Variants in CPNE4 observed in about 807,000 individuals in gnomAD.
The protein encoded by CPNE4 is copine 4, also known as copine-4.
A neutral mutation model predicts 67.9 loss-of-function variants in CPNE4; 25 were observed. The ratio of observed to expected loss-of-function variants is 0.37; its 90% CI spans 0.27 to 0.51. CPNE4 has a LOEUF of 0.51. Ranked by LOEUF, CPNE4 falls within the 20% of genes least tolerant of loss-of-function variation. CPNE4 has a pLI of 0.93. For missense variants in CPNE4, 464 were observed against 690.8 expected, an observed-to-expected ratio of 0.67 and a Z score of 3.68; for synonymous variants, 242 against 244.9, an observed-to-expected ratio of 0.99 and a Z score of 0.11.
At chr3:131,690,956 C>T (rs553352986) in intron 5 of CPNE4, among the ~76,000 whole-genome samples, 2 of 152,228 alleles carry the variant, frequency 1.3e-5, no homozygotes, top group South Asian at 2.1e-4. Context: ...TGAAAAAATG[C>T]CCAATGTCAC....
At chr3:131,840,407 A>G (rs2085730009) in intron 2 of CPNE4, among the ~76,000 whole-genome samples, 1 of 152,202 alleles carries the variant, frequency 6.6e-6, no homozygotes, top group Non-Finnish European at 1.5e-5. Context: ...GTCAGCCAAA[A>G]TATTTATCAA....
chr3:131,757,565 G>T (rs1007563169), intron 2 of CPNE4, among the ~76,000 whole-genome samples: 1 of 152,198 alleles, frequency 6.6e-6, no homozygotes. Context: ...AAAATTTGCA[G>T]CTTGACAGTG....
chr3:132,023,461 A>C (rs1263068467), intron 1 of CPNE4, among the ~76,000 whole-genome samples: 1 of 149,476 alleles, frequency 6.7e-6, no homozygotes, highest in Admixed American at 6.7e-5. Context: ...TCAAAAGGCA[A>C]TTGCAAAGCA....
At chr3:131,541,182 A>C (rs998133294) in intron 15 of CPNE4, among the ~76,000 whole-genome samples, 4 of 152,216 alleles carry the variant, frequency 2.6e-5, no homozygotes, top group Non-Finnish European at 5.9e-5. Context: ...TTACCCCCAC[A>C]GGTGCCTAGA....
At chr3:132,018,398 A>G (rs1376819521) in intron 1 of CPNE4, among the ~76,000 whole-genome samples, 4 of 152,234 alleles carry the variant, frequency 2.6e-5, no homozygotes, top group Admixed American at 2.6e-4. Flanking sequence ...CCTGAGGAGA[A>G]GCAAAGCAAG....
intron 2 of CPNE4, among the ~76,000 whole-genome samples, chr3:131,807,591 TA>T (rs1560362540): frequency 6.6e-6 from 1 of 152,044 alleles, no homozygotes; most frequent in South Asian, 2.1e-4. Context: ...TTCTCTAGGT[TA>T]AAAAAAGAAA....
In CPNE4 at chr3:131,577,201, T is replaced by G. The variant is rs115676174; in HGVS notation, c.868-2071A>C. 6.4e-3 allele frequency among the ~76,000 whole-genome samples: 967 copies of G among 152,276 alleles called. 6 individuals carry two copies. The highest frequency in any genetic ancestry group is 0.019 in the African/African-American group (776 of 41,574). On this transcript the variant is annotated intron_variant, in intron 9 of 15. Transcript: ENST00000429747. ...ACTCTTTTCCTTCACTATCTTGTTA[T>G]GTAAGGATATGGTCCTGTATATATA... is the stretch of plus-strand genomic sequence containing the variant.
At chr3:131,827,910 A>T (rs1401331996) in intron 2 of CPNE4, among the ~76,000 whole-genome samples, 1 of 151,996 alleles carries the variant, frequency 6.6e-6, no homozygotes, top group Non-Finnish European at 1.5e-5. Context: ...ACAGATTCTT[A>T]AAAAATACCT....
At chr3:132,016,461 G>C (rs1177331747) in intron 1 of CPNE4, among the ~76,000 whole-genome samples, 1 of 152,194 alleles carries the variant, frequency 6.6e-6, no homozygotes, top group Non-Finnish European at 1.5e-5. Flanking sequence ...AGATAGACTA[G>C]ATGGCTCCCC....
intron 2 of CPNE4, among the ~76,000 whole-genome samples, chr3:131,885,675 A>G (rs1036507032): frequency 4.6e-5 from 7 of 151,976 alleles, no homozygotes; most frequent in South Asian, 4.2e-4. Context: ...ATATCTCCCA[A>G]TGCTATCCCT....
At chr3:131,880,997 G>C (rs529010071) in intron 2 of CPNE4, among the ~76,000 whole-genome samples, 9 of 152,172 alleles carry the variant, frequency 5.9e-5, no homozygotes, top group Non-Finnish European at 1.0e-4. Flanking sequence ...CTATCAGCCT[G>C]GCCTTGTACT....
chr3:131,944,894 A>G (rs1257567689), intron 1 of CPNE4, among the ~76,000 whole-genome samples: 1 of 152,148 alleles, frequency 6.6e-6, no homozygotes, highest in Non-Finnish European at 1.5e-5. Context: ...AGTAAAATCA[A>G]CACATGTGCA....
At chr3:131,995,745 A>T (rs1399411708) in intron 1 of CPNE4, among the ~76,000 whole-genome samples, 1 of 152,178 alleles carries the variant, frequency 6.6e-6, no homozygotes, top group Non-Finnish European at 1.5e-5. Context: ...GTACATGATG[A>T]CTACTTTCTG....
At chr3:131,929,379 T>A (rs981032342) in intron 1 of CPNE4, among the ~76,000 whole-genome samples, 1 of 152,116 alleles carries the variant, frequency 6.6e-6, no homozygotes, top group African/African-American at 2.4e-5. Flanking sequence ...ATTTGAATGA[T>A]CTTTGGTACA....
Position 131,570,053 on chromosome 3 carries a change from GTTA to G in CPNE4, c.927+5015_927+5017del, listed in dbSNP as rs1228509344. ...CACTATGTCATAAACATGACCTCAT[GTTA>G]TTATCTAAACCTTAGAATTATAATT... On this transcript the variant is annotated intron_variant, in intron 10 of 15. Transcript: ENST00000429747. Among the ~76,000 whole-genome samples, 7 of 150,966 alleles carry G rather than the reference GTTA, an allele frequency of 4.6e-5. No individual in the cohort carries two copies. The South Asian group carries it at 1.0e-3, about 22-fold the overall frequency.
At chr3:131,808,500 C>G (rs961753543) in intron 2 of CPNE4, among the ~76,000 whole-genome samples, 2 of 150,830 alleles carry the variant, frequency 1.3e-5, no homozygotes, top group African/African-American at 2.4e-5. Flanking sequence ...ATAGAAACTA[C>G]TCAAACTAAA....
chr3:131,801,382 T>TGTACATATGGTACATATGTAC (rs2084105229), intron 2 of CPNE4, among the ~76,000 whole-genome samples: 1 of 101,540 alleles, frequency 9.8e-6, no homozygotes, highest in Admixed American at 1.2e-4. Flanking sequence ...CATATATATA[T>TGTACATATGGTACATATGTAC]ATATGGTACA....
intron 1 of CPNE4, among the ~76,000 whole-genome samples, chr3:131,989,350 A>C (rs930149924): frequency 3.3e-5 from 5 of 152,240 alleles, no homozygotes; most frequent in African/African-American, 9.6e-5. Context: ...GGTAGCATAG[A>C]TTGTTTCAAG....
chr3:131,937,511 A>G (rs529086463), intron 1 of CPNE4, among the ~76,000 whole-genome samples: 1 of 152,304 alleles, frequency 6.6e-6, no homozygotes, highest in South Asian at 2.1e-4. Context: ...TTTCTTGAGA[A>G]AAATACTAGA....
Sources: allele counts gnomAD v4.1 joint callset (sites outside exome capture counted in the v4.1 genomes callset), GRCh38; gene constraint gnomAD v4.1.1; transcripts MANE v1.5; gene names NCBI Gene and HGNC (gene_info 2026-07-23, HGNC 2026-07-21).